Variants in DYM observed in about 807,000 individuals in gnomAD.
The protein encoded by DYM is dymeclin.
A neutral mutation model predicts 93.1 loss-of-function variants in DYM; 78 were observed. The observed-to-expected ratio is 0.84, with a 90% CI of 0.70 to 1.01. The LOEUF is 1.01. Ranked by LOEUF, DYM falls within the 50% of genes least tolerant of loss-of-function variation. The pLI, the probability that DYM is intolerant of heterozygous loss-of-function variation, is 0.00. For synonymous variants in DYM, 321 were observed against 319.7 expected (o/e 1.00, Z -0.04); for missense variants, 789 against 845.0 (o/e 0.93, Z 0.82).
rs978784262 is a variant in DYM at position 49,219,655 on chromosome 18, C to A, written c.1461-9940G>T. Among the ~76,000 whole-genome samples the A allele has an allele frequency of 2.0e-4, 30 of 152,128 alleles. No individual in the cohort carries two copies. The East Asian group carries it at 4.8e-3, about 24-fold the overall frequency. On this transcript the variant is annotated intron_variant, in intron 13 of 17. Transcript: ENST00000675505. ...ATATAAACAGAGCCAAAGACAAAAA[C>A]CACATGATTATCTCAATAGATGCAG...
At chr18:49,248,236 T>G (rs2094211887) in intron 13 of DYM, among the ~76,000 whole-genome samples, 1 of 152,328 alleles carries the variant, frequency 6.6e-6, no homozygotes, top group East Asian at 1.9e-4. Context: ...TTTTCTTTGT[T>G]AGAAAAATAT....
intron 14 of DYM, among the ~76,000 whole-genome samples, chr18:49,188,484 G>A (rs1003952400): frequency 2.6e-5 from 4 of 152,118 alleles, no homozygotes; most frequent in Non-Finnish European, 5.9e-5. Flanking sequence ...TAAGAATATG[G>A]GTACACATGG....
chr18:49,143,357 T>C (rs1219849809), intron 15 of DYM, among the ~76,000 whole-genome samples: 3 of 152,168 alleles, frequency 2.0e-5, no homozygotes, highest in Non-Finnish European at 4.4e-5. Context: ...GCTTTGGTTT[T>C]AGGTGATAAG....
At chr18:49,328,345 C>T (rs1012279482) in intron 8 of DYM, among the ~76,000 whole-genome samples, 1 of 152,094 alleles carries the variant, frequency 6.6e-6, no homozygotes, top group African/African-American at 2.4e-5. Context: ...GAAGGTGGAA[C>T]TCAAGACGGT....
intron 16 of DYM, among the ~76,000 whole-genome samples, chr18:49,117,325 C>A (rs1396503353): frequency 6.6e-6 from 1 of 152,180 alleles, no homozygotes; most frequent in African/African-American, 2.4e-5. Context: ...ATATTAATTT[C>A]TGTTTACCAG....
chr18:49,055,784 A>C (rs1319311620), intron 17 of DYM, among the ~76,000 whole-genome samples: 1 of 152,216 alleles, frequency 6.6e-6, no homozygotes, highest in Non-Finnish European at 1.5e-5. Context: ...TTCTTGGACA[A>C]AGGTCTCCCC....
At chr18:49,339,810 T>C (rs1359655731) in intron 6 of DYM, among the ~76,000 whole-genome samples, 4 of 152,210 alleles carry the variant, frequency 2.6e-5, no homozygotes. Flanking sequence ...CAGCAATAGA[T>C]GAACAACACG....
At chr18:49,371,247 C>T (rs1196278928) in intron 5 of DYM, among the ~76,000 whole-genome samples, 3 of 152,150 alleles carry the variant, frequency 2.0e-5, no homozygotes, top group African/African-American at 7.2e-5. Context: ...TGCCTATAAT[C>T]CCAGTGCTTT....
At chr18:49,292,306 A>G (rs2060164535) in intron 8 of DYM, among the ~76,000 whole-genome samples, 1 of 103,206 alleles carries the variant, frequency 9.7e-6, no homozygotes, top group Non-Finnish European at 2.2e-5. Flanking sequence ...ACAGACAGAC[A>G]GACAGACAGG....
At chr18:49,397,381 T>C (rs1300046451) in intron 2 of DYM, among the ~76,000 whole-genome samples, 1 of 152,218 alleles carries the variant, frequency 6.6e-6, no homozygotes, top group Non-Finnish European at 1.5e-5. Flanking sequence ...AGGACCATTA[T>C]AAATCTTATT....
At chr18:49,413,508 T>A (rs960735910) in intron 2 of DYM, among the ~76,000 whole-genome samples, 1 of 152,158 alleles carries the variant, frequency 6.6e-6, no homozygotes, top group African/African-American at 2.4e-5. Flanking sequence ...TAGAATTAAA[T>A]TTTTTATCAT....
At chr18:49,256,083 C>CAAAAA (rs11337971) in intron 13 of DYM, among the ~76,000 whole-genome samples, 2 of 85,878 alleles carry the variant, frequency 2.3e-5, no homozygotes, top group Non-Finnish European at 4.4e-5. Context: ...GACTCCATCT[C>CAAAAA]AAAAAAAAAA....
intron 2 of DYM, among the ~76,000 whole-genome samples, chr18:49,397,423 A>T (rs1227991958): frequency 6.6e-6 from 1 of 152,226 alleles, no homozygotes; most frequent in African/African-American, 2.4e-5. Flanking sequence ...GCATCCAAGG[A>T]GTTTAAAGTA....
intron 15 of DYM, among the ~76,000 whole-genome samples, chr18:49,119,578 C>G (rs1350426348): frequency 6.6e-6 from 1 of 152,110 alleles, no homozygotes; most frequent in Non-Finnish European, 1.5e-5. Flanking sequence ...ATATATTTGA[C>G]AGTTGAAGCA....
At chr18:49,380,700 T>C (rs184123239) in intron 3 of DYM, among the ~76,000 whole-genome samples, 2 of 152,204 alleles carry the variant, frequency 1.3e-5, no homozygotes, top group Non-Finnish European at 2.9e-5. Flanking sequence ...AAGCTAAGAA[T>C]TCATCAGAAG....
chr18:49,213,349 T>G (rs112172431), intron 13 of DYM, among the ~76,000 whole-genome samples: 3 of 150,028 alleles, frequency 2.0e-5, no homozygotes, highest in South Asian at 4.2e-4. Flanking sequence ...TAGACTGGAG[T>G]GCAATGGCAT....
chr18:49,080,804 G>T (rs76802843), intron 17 of DYM, among the ~76,000 whole-genome samples: 13,811 of 145,982 alleles, frequency 0.095, 840 homozygotes, highest in East Asian at 0.22. Context: ...GCCGGGCGGA[G>T]GGTCTCCTCA....
At chr18:49,428,530 C>G (rs1349595121) in intron 2 of DYM, among the ~76,000 whole-genome samples, 1 of 152,166 alleles carries the variant, frequency 6.6e-6, no homozygotes, top group South Asian at 2.1e-4. Flanking sequence ...ACAAAAAATA[C>G]AAAAATTAGC....
intron 2 of DYM, among the ~76,000 whole-genome samples, chr18:49,412,313 A>G (rs1180089113): frequency 6.6e-6 from 1 of 152,004 alleles, no homozygotes; most frequent in Non-Finnish European, 1.5e-5. Context: ...AGTAAAACTT[A>G]CATGTCCCTT....
Sources: allele counts gnomAD v4.1 joint callset (sites outside exome capture counted in the v4.1 genomes callset), GRCh38; gene constraint gnomAD v4.1.1; transcripts MANE v1.5; gene names NCBI Gene and HGNC (gene_info 2026-07-23, HGNC 2026-07-21).